The following PCDH17 variants were observed in gnomAD, a reference collection of about 807,000 sequenced individuals.
PCDH17 encodes the protein protocadherin 17.
In PCDH17, 21 loss-of-function variants were observed where a neutral mutation model predicts 67.7. That is an observed-to-expected ratio of 0.31 (90% CI 0.22 to 0.45). PCDH17 has a LOEUF of 0.45. Among genes scored for constraint, PCDH17 ranks in the 20% least tolerant of loss-of-function variants. The pLI is 1.00. For missense variants in PCDH17, 1,471 were observed against 1,564.8 expected, an observed-to-expected ratio of 0.94 and a Z score of 1.01; for synonymous variants, 701 against 656.7, an observed-to-expected ratio of 1.07 and a Z score of -1.03.
intron 1 of PCDH17, among the ~76,000 whole-genome samples, chr13:57,646,881 C>T (rs944503163): frequency 1.3e-5 from 2 of 151,744 alleles, no homozygotes; most frequent in Admixed American, 6.6e-5. Flanking sequence ...AAATAAGACA[C>T]ATCAGCAATC....
Position 57,635,020 on chromosome 13 carries a change from T to G in PCDH17, c.2474T>G (p.Val825Gly), listed in dbSNP as rs1185570708. The change falls in exon 1 of 4, where the codon GTC becomes GGC. Residue 825 changes from valine (V) to glycine (G), a missense_variant. Coordinates refer to ENST00000377918, the MANE Select transcript of PCDH17 (RefSeq NM_001040429.3). ...YLKPASNNLT[V>G]PQGHAGCHTS... ...AAACCGGCCTCCAACAACCTGACTG[T>G]CCCTCAGGGGCACGCGGGCTGCCAC... 3 of 1,613,246 alleles carry G rather than the reference T, an allele frequency of 1.9e-6. No individual in the cohort carries two copies. The highest frequency in any genetic ancestry group is 3.3e-5 in the Admixed American group (2 of 59,984).
chr13:57,701,635 G>A (rs941223247), intron 3 of PCDH17, among the ~76,000 whole-genome samples: 7 of 152,022 alleles, frequency 4.6e-5, no homozygotes, highest in Admixed American at 3.9e-4. Context: ...CAGAAAAAAT[G>A]TGCCAGGTTT....
At chr13:57,640,432 AG>A (rs1176398001) in intron 1 of PCDH17, among the ~76,000 whole-genome samples, 3 of 152,060 alleles carry the variant, frequency 2.0e-5, no homozygotes, top group African/African-American at 7.2e-5. Flanking sequence ...AGTGTATGTA[AG>A]TACTTGCTCA....
intron 3 of PCDH17, among the ~76,000 whole-genome samples, chr13:57,678,082 A>G (rs1955412438): frequency 6.6e-6 from 1 of 151,666 alleles, no homozygotes; most frequent in African/African-American, 2.4e-5. Context: ...AATAATAACT[A>G]TGTGAAGCAA....
intron 1 of PCDH17, among the ~76,000 whole-genome samples, chr13:57,655,614 T>A (rs989239440): frequency 2.0e-5 from 3 of 152,044 alleles, no homozygotes; most frequent in Non-Finnish European, 4.4e-5. Context: ...TGGTAAGTAA[T>A]CATATGATTA....
chr13:57,680,951 TTCAA>T (rs1955442931), intron 3 of PCDH17, among the ~76,000 whole-genome samples: 1 of 151,806 alleles, frequency 6.6e-6, no homozygotes, highest in Non-Finnish European at 1.5e-5. Flanking sequence ...TATGAAGTTA[TTCAA>T]TCAGATAACA....
intron 3 of PCDH17, among the ~76,000 whole-genome samples, chr13:57,694,579 A>G (rs1955589248): frequency 6.6e-6 from 1 of 151,308 alleles, no homozygotes; most frequent in Non-Finnish European, 1.5e-5. Context: ...TCAATTATTG[A>G]ATAAACACAC....
In PCDH17 at chr13:57,633,657, A is replaced by G. The variant is rs553294438; in HGVS notation, c.1111A>G (p.Ile371Val). ...CGAGGCCGCCCCTCCCGGCACCGTC[A>G]TCGCCCTGGTGCGGGTCACTGACCG... The part of the protein sequence containing the change: ...LSEAAPPGTV[I>V]ALVRVTDRDS... Residue 371 changes from isoleucine (I) to valine (V), a missense_variant, in exon 1 of 4, where the codon ATC (isoleucine) becomes GTC (valine). Transcript: ENST00000377918. The surrounding 1 kb of genome is among the most constrained non-coding windows in gnomAD (Gnocchi z 6.2). 1 of 1,607,296 alleles carries G rather than the reference A, an allele frequency of 6.2e-7. No individual in the cohort carries two copies. Among genetic ancestry groups the G allele is most frequent in the Admixed American group, 1.7e-5 (1 of 60,014 alleles).
intron 3 of PCDH17, among the ~76,000 whole-genome samples, chr13:57,722,537 G>A (rs915814506): frequency 5.3e-5 from 8 of 152,032 alleles, no homozygotes; most frequent in African/African-American, 1.2e-4. Context: ...TAATATTTAT[G>A]ATTCCCATTT....
intron 1 of PCDH17, among the ~76,000 whole-genome samples, chr13:57,662,145 G>A (rs1260614091): frequency 6.6e-6 from 1 of 152,160 alleles, no homozygotes; most frequent in Non-Finnish European, 1.5e-5. Context: ...GGGATTACAG[G>A]CATGAGCCAC....
chr13:57,694,241 G>T (rs780493999), intron 3 of PCDH17, among the ~76,000 whole-genome samples: 6 of 151,112 alleles, frequency 4.0e-5, no homozygotes, highest in Non-Finnish European at 7.4e-5. Flanking sequence ...AATGCCCAAT[G>T]GACCTGAGTT....
chr13:57,677,054 T>C (rs1037434017), intron 3 of PCDH17, among the ~76,000 whole-genome samples: 14 of 151,892 alleles, frequency 9.2e-5, no homozygotes, highest in African/African-American at 3.4e-4. Context: ...ACTGTCTTAG[T>C]TGTTATGTTG....
intron 3 of PCDH17, among the ~76,000 whole-genome samples, chr13:57,669,997 T>TA (rs1177953586): frequency 6.6e-6 from 1 of 152,056 alleles, no homozygotes; most frequent in Non-Finnish European, 1.5e-5. Context: ...CATTTATAGG[T>TA]AGGAAAGTAC....
chr13:57,666,342 T>A (rs1955253014), intron 1 of PCDH17, 126 bp from the exon 2 acceptor site: 11 of 696,464 alleles, frequency 1.6e-5, no homozygotes, highest in Admixed American at 2.7e-5. Flanking sequence ...TTAATTAAAA[T>A]GTACAAATCT....
At chr13:57,668,148 A>C (rs1955278636) in intron 3 of PCDH17, among the ~76,000 whole-genome samples, 1 of 151,912 alleles carries the variant, frequency 6.6e-6, no homozygotes, top group South Asian at 2.1e-4. Context: ...TTTTCTGAAA[A>C]TTTATATGTT....
intron 1 of PCDH17, among the ~76,000 whole-genome samples, chr13:57,647,018 T>C (rs1954973763): frequency 6.6e-6 from 1 of 151,838 alleles, no homozygotes; most frequent in Non-Finnish European, 1.5e-5. Context: ...GGGCTTGTAA[T>C]ATTCCATAAT....
intron 3 of PCDH17, among the ~76,000 whole-genome samples, chr13:57,672,635 A>C (rs971112203): frequency 2.6e-5 from 4 of 151,998 alleles, no homozygotes; most frequent in African/African-American, 9.7e-5. Flanking sequence ...AGTGAGCTAG[A>C]GGTTTAAGGT....
In PCDH17 at chr13:57,724,599, T is replaced by C. The variant is rs780574522; in HGVS notation, c.2798-13T>C. Reference sequence around the variant, plus strand: ...TAATGATTGGATTTGCTGTTTTCTCTTTTGTTTTGCAGAACCAGAAGAGTG... The same window carrying C: ...TAATGATTGGATTTGCTGTTTTCTCCTTTGTTTTGCAGAACCAGAAGAGTG... On this transcript the variant is annotated splice_polypyrimidine_tract_variant and intron_variant, in intron 3 of 3. Transcript: ENST00000377918. 12 of 1,596,696 alleles carry C rather than the reference T, an allele frequency of 7.5e-6. No individual in the cohort carries two copies. Among genetic ancestry groups the C allele is most frequent in the Middle Eastern group, 1.7e-4 (1 of 5,990 alleles).
At chr13:57,679,161 AT>A (rs1955423575) in intron 3 of PCDH17, among the ~76,000 whole-genome samples, 1 of 151,596 alleles carries the variant, frequency 6.6e-6, no homozygotes, top group Non-Finnish European at 1.5e-5. Flanking sequence ...TTTTAAAATT[AT>A]GAATAAGGAA....
Sources: gnomAD v4.1 joint callset for allele counts (sites outside exome capture counted in the v4.1 genomes callset) on GRCh38, gnomAD v4.1.1 for gene constraint, Gnocchi (gnomAD v3.1) non-coding constraint, MANE v1.5 for transcripts, NCBI Gene and HGNC (gene_info 2026-07-23, HGNC 2026-07-21) for gene names.